Variants in CCDC169 observed in about 807,000 individuals in gnomAD.
CCDC169 encodes coiled-coil domain containing 169, also known as coiled-coil domain-containing protein 169.
A neutral mutation model predicts 36.0 loss-of-function variants in CCDC169; 30 were observed. The ratio of observed to expected loss-of-function variants is 0.83; its 90% CI spans 0.62 to 1.13. The LOEUF (loss-of-function observed/expected upper bound fraction) is 1.13. CCDC169 is among the 50% of genes most tolerant of loss of function. CCDC169 has a pLI of 0.00. For missense variants in CCDC169, 245 were observed against 245.9 expected, an observed-to-expected ratio of 1.00 and a Z score of 0.03; for synonymous variants, 85 against 81.5, an observed-to-expected ratio of 1.04 and a Z score of -0.23.
In CCDC169 at chr13:36,294,925, G is replaced by T. The variant is rs1483388952; in HGVS notation, c.163+853C>A. ...TCTTTAACTACCAGGCCCAGGGTGT[G>T]GTGCTGGGCTGTCTGCCTGTGGATT... is the stretch of plus-strand genomic sequence containing the variant. On this transcript the variant is annotated intron_variant, in intron 2 of 7. Transcript: ENST00000239859. 2.0e-5 allele frequency among the ~76,000 whole-genome samples: 3 copies of T among 152,160 alleles called. No homozygotes were observed. In the South Asian group the frequency reaches 6.2e-4, roughly 31 times the overall value.
intron 7 of CCDC169, among the ~76,000 whole-genome samples, chr13:36,247,320 A>G (rs890389018): frequency 3.9e-5 from 6 of 152,184 alleles, no homozygotes; most frequent in African/African-American, 1.4e-4. Flanking sequence ...TCTGCTGCCC[A>G]TGGATCAAGG....
chr13:36,265,645 G>T (rs1016047259), intron 4 of CCDC169, among the ~76,000 whole-genome samples: 3 of 152,162 alleles, frequency 2.0e-5, no homozygotes, highest in Non-Finnish European at 4.4e-5. Flanking sequence ...GTCTTCCCTG[G>T]GATAAGAGAT....
At chr13:36,278,287 G>A (rs565082861) in intron 4 of CCDC169, among the ~76,000 whole-genome samples, 3 of 152,290 alleles carry the variant, frequency 2.0e-5, no homozygotes, top group African/African-American at 7.2e-5. Flanking sequence ...TTTCACAGAT[G>A]AGGAAATTAA....
chr13:36,294,972 T>C (rs1187448800), intron 2 of CCDC169, among the ~76,000 whole-genome samples: 4 of 152,318 alleles, frequency 2.6e-5, no homozygotes, highest in African/African-American at 9.6e-5. Flanking sequence ...TTTTAGTTTT[T>C]ATTTCTTCTT....
intron 4 of CCDC169, among the ~76,000 whole-genome samples, chr13:36,260,137 T>G (rs1874439626): frequency 6.6e-6 from 1 of 152,240 alleles, no homozygotes; most frequent in Admixed American, 6.5e-5. Flanking sequence ...AGATTGCAGC[T>G]TATAGAGATT....
chr13:36,289,084 T>G (rs1233219285), intron 2 of CCDC169, among the ~76,000 whole-genome samples: 1 of 152,210 alleles, frequency 6.6e-6, no homozygotes, highest in African/African-American at 2.4e-5. Context: ...TTTCTAAGAT[T>G]GATCCCCTAT....
chr13:36,278,636 TTTCTCAATATTTTTCC>T (rs989017807), intron 4 of CCDC169, among the ~76,000 whole-genome samples: 12 of 152,248 alleles, frequency 7.9e-5, no homozygotes, highest in South Asian at 6.2e-4. Flanking sequence ...CCCCCCATCC[TTTCTCAATATTTTTCC>T]TTCTCAATAA....
At chr13:36,252,970 G>A (rs1184313881) in intron 6 of CCDC169, among the ~76,000 whole-genome samples, 1 of 152,108 alleles carries the variant, frequency 6.6e-6, no homozygotes, top group South Asian at 2.1e-4. Context: ...CTTTTTAACT[G>A]TAACATTAGA....
intron 4 of CCDC169, among the ~76,000 whole-genome samples, chr13:36,265,042 G>T (rs539284987): frequency 1.3e-5 from 2 of 152,294 alleles, no homozygotes; most frequent in Middle Eastern, 3.4e-3. Flanking sequence ...GTGGGATGTT[G>T]AAGTCTCCAA....
intron 7 of CCDC169, among the ~76,000 whole-genome samples, chr13:36,232,714 C>CA (rs1214172768): frequency 1.3e-3 from 70 of 54,406 alleles, no homozygotes; most frequent in East Asian, 7.8e-3. Context: ...GACTCCGTCT[C>CA]AAAAAAAAAA....
rs71300908 is a variant in CCDC169 at position 36,269,107 on chromosome 13, T to TAA, written c.315+14360_315+14361dup. ...TGAGAGAGCAAGACTCCAACTCAAA[T>TAA]AAAAAAAAAAAAATCATTTGAGGCT... On this transcript the variant is annotated intron_variant, in intron 4 of 7. Transcript: ENST00000239859. Among the ~76,000 whole-genome samples the TAA allele has an allele frequency of 2.5e-3, 363 of 143,478 alleles. 4 individuals are homozygous for TAA. Among genetic ancestry groups the TAA allele is most frequent in the Middle Eastern group, 0.017 (5 of 286 alleles). The allele number at this position is 143,478 out of a possible 152,430, so 94.1% of individuals were successfully genotyped here.
chr13:36,236,749 C>T (rs1871124192), intron 7 of CCDC169, among the ~76,000 whole-genome samples: 1 of 151,936 alleles, frequency 6.6e-6, no homozygotes, highest in African/African-American at 2.4e-5. Context: ...AAAATGCTCT[C>T]AATGCAATAT....
chr13:36,244,953 A>T (rs1872321652), intron 7 of CCDC169, among the ~76,000 whole-genome samples: 1 of 152,204 alleles, frequency 6.6e-6, no homozygotes, highest in Non-Finnish European at 1.5e-5. Flanking sequence ...AAATGTATAA[A>T]GATAATAAAT....
intron 6 of CCDC169, among the ~76,000 whole-genome samples, chr13:36,251,821 T>C (rs928318343): frequency 2.0e-5 from 3 of 152,152 alleles, no homozygotes; most frequent in Non-Finnish European, 2.9e-5. Context: ...CTGGTGCCCC[T>C]GTCACAGAGA....
At chr13:36,248,446 C>T (rs866133046) in intron 7 of CCDC169, 160 bp downstream of exon 7, 33 of 541,826 alleles carry the variant, frequency 6.1e-5, no homozygotes, top group Middle Eastern at 5.0e-4. Context: ...AATAGTGGAA[C>T]AGATCACAAC....
intron 4 of CCDC169, among the ~76,000 whole-genome samples, chr13:36,273,360 G>T (rs1013658721): frequency 6.6e-6 from 1 of 152,112 alleles, no homozygotes; most frequent in African/African-American, 2.4e-5. Context: ...TTTGTCAGGT[G>T]GGAGTACTTT....
At chr13:36,278,376 G>A (rs746938106) in intron 4 of CCDC169, among the ~76,000 whole-genome samples, 2 of 151,992 alleles carry the variant, frequency 1.3e-5, no homozygotes, top group Admixed American at 6.6e-5. Flanking sequence ...CAAAACCTAC[G>A]TTTCGAGGGA....
chr13:36,245,868 G>T (rs1373498844), intron 7 of CCDC169, among the ~76,000 whole-genome samples: 3 of 152,140 alleles, frequency 2.0e-5, no homozygotes, highest in Non-Finnish European at 2.9e-5. Context: ...AATGGCATAT[G>T]TTCATTTCCT....
At chr13:36,272,351 GTAGC>G (rs1169514202) in intron 4 of CCDC169, among the ~76,000 whole-genome samples, 2 of 152,036 alleles carry the variant, frequency 1.3e-5, no homozygotes, top group Non-Finnish European at 2.9e-5. Context: ...GTCTGCTTTA[GTAGC>G]TCCACTGCAC....
Sources: allele counts gnomAD v4.1 joint callset (sites outside exome capture counted in the v4.1 genomes callset), GRCh38; gene constraint gnomAD v4.1.1; transcripts MANE v1.5; gene names NCBI Gene and HGNC (gene_info 2026-07-23, HGNC 2026-07-21).